The following MAPRE2 variants were observed in gnomAD, a reference collection of about 807,000 sequenced individuals.
MAPRE2 encodes microtubule-associated protein RP/EB family member 2.
MAPRE2 carries 13 observed loss-of-function variants against 43.2 expected under a neutral mutation model. The ratio of observed to expected loss-of-function variants is 0.30; its 90% CI spans 0.20 to 0.48. The LOEUF (loss-of-function observed/expected upper bound fraction) is 0.48. Among genes scored for constraint, MAPRE2 ranks in the 20% least tolerant of loss-of-function variants. The probability of loss-of-function intolerance (pLI) is 0.99; values close to 1 mark genes in which losing one functional copy is unlikely to be tolerated. For synonymous variants in MAPRE2, 135 were observed against 148.8 expected (o/e 0.91, Z 0.68); for missense variants, 161 against 400.2 (o/e 0.40, Z 5.10).
intron 1 of MAPRE2, among the ~76,000 whole-genome samples, chr18:35,042,205 A>T (rs370123362): frequency 6.6e-6 from 1 of 152,158 alleles, no homozygotes; most frequent in East Asian, 1.9e-4. Context: ...AGCAGAGGTG[A>T]TAGTGTCAGA....
intron 1 of MAPRE2, among the ~76,000 whole-genome samples, chr18:34,986,406 G>A (rs1186981989): frequency 1.3e-5 from 2 of 152,116 alleles, no homozygotes; most frequent in Admixed American, 6.6e-5. Flanking sequence ...AGCAGCTTCA[G>A]CTCTCCATAA....
At position 35,120,863 on chromosome 18, in the gene MAPRE2, G is replaced by T. The variant is rs148461387; in HGVS notation, c.611-6085G>T. ...GTGTATCTTCTGCCATAGTTGTTCA[G>T]CTCTGGGTTTTCTTCAATTGAGTGA... On this transcript the variant is annotated intron_variant, in intron 4 of 6. Transcript: ENST00000300249. Among the ~76,000 whole-genome samples the T allele has an allele frequency of 9.2e-5, 14 of 152,264 alleles. No individual in the cohort carries two copies. In the East Asian group the frequency reaches 2.7e-3, roughly 29 times the overall value.
intron 4 of MAPRE2, among the ~76,000 whole-genome samples, chr18:35,105,616 A>T (rs1332278330): frequency 2.6e-5 from 4 of 152,104 alleles, no homozygotes; most frequent in Non-Finnish European, 5.9e-5. Context: ...GTCTTCATTC[A>T]TGAGTTTCTG....
Position 35,041,641 on chromosome 18 carries a change from G to T in MAPRE2, c.102G>T (p.Val34=), listed in dbSNP as rs1206557974. 15 of 1,614,136 alleles carry T rather than the reference G, an allele frequency of 9.3e-6. No individual in the cohort carries two copies. The highest frequency in any genetic ancestry group is 1.3e-5 in the Non-Finnish European group (15 of 1,180,060). The change falls in exon 1 of 7, where the codon GTG becomes GTT. Residue 34 remains valine (V), a synonymous_variant. Coordinates refer to ENST00000300249, the MANE Select transcript of MAPRE2 (RefSeq NM_014268.4). The part of the protein sequence containing the change: ...GTIIPFRKHT[V]RGERSYSWGM... Reference sequence around the variant, plus strand: ...TCATTCCTTTCCGGAAGCACACAGTGCGCGGGGAGCGTTCCTACAGGTAAT... The same window carrying T: ...TCATTCCTTTCCGGAAGCACACAGTTCGCGGGGAGCGTTCCTACAGGTAAT...
At chr18:35,070,392 C>CCACA (rs1907048966) in intron 2 of MAPRE2, 70 bp downstream of exon 2, 1 of 1,340,938 alleles carries the variant, frequency 7.5e-7, no homozygotes, top group Admixed American at 2.6e-5. Flanking sequence ...ATTTTATGAA[C>CCACA]CACAGCTGCT....
chr18:34,998,652 G>A (rs1411852407), intron 1 of MAPRE2, among the ~76,000 whole-genome samples: 2 of 151,600 alleles, frequency 1.3e-5, no homozygotes, highest in East Asian at 1.9e-4. Flanking sequence ...TAGTAGAGAC[G>A]GGGTTTCTCC....
chr18:34,978,645 C>T (rs545927760), intron 1 of MAPRE2: 1 of 988,626 alleles, frequency 1.0e-6, no homozygotes, highest in East Asian at 2.6e-5. Flanking sequence ...AGCCAGTGTC[C>T]CCTCTGGAAA....
intron 1 of MAPRE2, among the ~76,000 whole-genome samples, chr18:35,059,929 A>T (rs1419048326): frequency 6.6e-6 from 1 of 152,230 alleles, no homozygotes; most frequent in Non-Finnish European, 1.5e-5. Flanking sequence ...CACCAAGAGT[A>T]CAAGAGAGCT....
chr18:35,010,191 A>G (rs2097033784), intron 2 of MAPRE2, among the ~76,000 whole-genome samples: 1 of 152,298 alleles, frequency 6.6e-6, no homozygotes, highest in South Asian at 2.1e-4. Context: ...GTTCAAGACC[A>G]GCCTGGGCAA....
intron 1 of MAPRE2, among the ~76,000 whole-genome samples, chr18:35,048,069 G>C (rs1905726477): frequency 6.6e-6 from 1 of 152,212 alleles, no homozygotes; most frequent in Non-Finnish European, 1.5e-5. Context: ...TCTGCAGGCT[G>C]TATAGGAAGC....
rs556098635 is a variant in MAPRE2 at position 35,089,063 on chromosome 18, A to G, written c.251-8383A>G. Among the ~76,000 whole-genome samples, 3 of 152,346 alleles carry G rather than the reference A, an allele frequency of 2.0e-5. No individual in the cohort carries two copies. In the East Asian group the frequency reaches 5.8e-4, roughly 29 times the overall value. On this transcript the variant is annotated intron_variant, in intron 2 of 6. Coordinates refer to ENST00000300249, the MANE Select transcript of MAPRE2 (RefSeq NM_014268.4). ...TTGAATGATACTGGAGCATATTTGC[A>G]GGATTTAGGAATAACATATGCAGGA...
chr18:34,994,192 G>A (rs1351274641), intron 1 of MAPRE2, among the ~76,000 whole-genome samples: 3 of 151,714 alleles, frequency 2.0e-5, no homozygotes, highest in East Asian at 1.9e-4. Flanking sequence ...TGTGGGATGG[G>A]GAGGGGCAAG....
At chr18:35,062,633 A>C (rs982646206) in intron 1 of MAPRE2, among the ~76,000 whole-genome samples, 3 of 152,234 alleles carry the variant, frequency 2.0e-5, no homozygotes, top group Non-Finnish European at 4.4e-5. Flanking sequence ...AAAGAAAGCC[A>C]TTCTTTTGGA....
intron 1 of MAPRE2, among the ~76,000 whole-genome samples, chr18:35,003,726 A>G (rs1474058858): frequency 6.6e-6 from 1 of 152,212 alleles, no homozygotes; most frequent in Non-Finnish European, 1.5e-5. Context: ...ACTATTAAAT[A>G]AAGTAGATAA....
rs192297848 is a variant in MAPRE2 at position 35,007,735 on chromosome 18, A to G, written c.-8+2182A>G. Among the ~76,000 whole-genome samples, 102 of 152,136 alleles carry G rather than the reference A, an allele frequency of 6.7e-4. 1 individual carries two copies. In the Middle Eastern group the frequency reaches 0.01, roughly 15 times the overall value. On this transcript the variant is annotated intron_variant, in intron 2 of 7. Coordinates refer to the MAPRE2 transcript ENST00000413393. ...TCTCTCTATATCCCTTCTGGGTTGC[A>G]CCCTCCTTTATTTAACCCTTTCAGG...
intron 2 of MAPRE2, among the ~76,000 whole-genome samples, chr18:35,081,638 G>T (rs1393634200): frequency 6.6e-6 from 1 of 152,138 alleles, no homozygotes; most frequent in South Asian, 2.1e-4. Flanking sequence ...TAAGTATGGA[G>T]TTCTCACCTG....
chr18:35,037,534 G>A (rs986194151), upstream of MAPRE2, among the ~76,000 whole-genome samples: 1 of 152,226 alleles, frequency 6.6e-6, no homozygotes, highest in Non-Finnish European at 1.5e-5. Flanking sequence ...TAGGCAGTTG[G>A]AGGTGAAGGG....
intron 2 of MAPRE2, among the ~76,000 whole-genome samples, chr18:35,027,556 G>A (rs139751939): frequency 6.6e-6 from 1 of 152,260 alleles, no homozygotes; most frequent in East Asian, 1.9e-4. Flanking sequence ...ATAGCTACAT[G>A]AGAGACCATG....
intron 5 of MAPRE2, 175 bp downstream of exon 5, chr18:35,127,262 TAA>T (rs1909949663): frequency 9.7e-6 from 6 of 616,442 alleles, no homozygotes; most frequent in Non-Finnish European, 1.7e-5. Flanking sequence ...CCATGATGAA[TAA>T]AAAGTGTTAG....
Sources: gnomAD v4.1 joint callset for allele counts (sites outside exome capture counted in the v4.1 genomes callset) on GRCh38, gnomAD v4.1.1 for gene constraint, MANE v1.5 for transcripts, NCBI Gene and HGNC (gene_info 2026-07-23, HGNC 2026-07-21) for gene names.